The following COL3A1 variants were observed in gnomAD, a reference collection of about 807,000 sequenced individuals.
COL3A1 encodes the protein collagen type III alpha 1 chain.
Under a neutral mutation model 200.9 loss-of-function variants are expected in COL3A1, and 46 were observed. The ratio of observed to expected loss-of-function variants is 0.23; its 90% CI spans 0.18 to 0.29. The LOEUF (loss-of-function observed/expected upper bound fraction) is 0.29, where lower values mean the gene tolerates loss of function less well. COL3A1 is among the 10% of genes least tolerant of loss of function. COL3A1 has a pLI of 1.00. For synonymous variants in COL3A1, 650 were observed against 628.0 expected (o/e 1.03, Z -0.52); for missense variants, 1,367 against 1,917.6 (o/e 0.71, Z 5.36).
rs754766704 is a variant in COL3A1 at position 188,997,660 on chromosome 2, A to C, written c.1870-40A>C. The C allele has an allele frequency of 2.5e-6, 4 of 1,584,744 alleles. No individual in the cohort carries two copies. In the Admixed American group the frequency reaches 6.7e-5, roughly 26 times the overall value. On this transcript the variant is annotated intron_variant, in intron 26 of 50. Coordinates refer to ENST00000304636, the MANE Select transcript of COL3A1 (RefSeq NM_000090.4). ...AATGGATACTGTAGACTAAATATAA[A>C]AGGATGTTTACAACAGAGTGTATCA...
At chr2:188,975,411 ATT>A (rs1406964148) in intron 1 of COL3A1, among the ~76,000 whole-genome samples, 2 of 152,182 alleles carry the variant, frequency 1.3e-5, no homozygotes, top group Non-Finnish European at 2.9e-5. Flanking sequence ...CTAAAAACAC[ATT>A]TGTCTCATTA....
chr2:188,999,382 A>C lies in COL3A1; in HGVS notation c.2120A>C (p.Lys707Thr). The change falls in exon 30 of 51, where the codon AAG (lysine) becomes ACG (threonine). Residue 707 changes from lysine to threonine, a missense_variant and splice_region_variant. Coordinates refer to ENST00000304636, the MANE Select transcript of COL3A1 (RefSeq NM_000090.4). ...GAGPPGPEGG[K>T]GAAGPPGPPG... Reference sequence around the variant, plus strand: ...GGTCCCCCTGGTCCCGAAGGAGGAAAGGTAACTCCACAGCATTCCATTCAC... The same window carrying C: ...GGTCCCCCTGGTCCCGAAGGAGGAACGGTAACTCCACAGCATTCCATTCAC... 1 of 1,612,524 alleles carries C rather than the reference A, an allele frequency of 6.2e-7. No individual in the cohort carries two copies. Among genetic ancestry groups the C allele is most frequent in the Non-Finnish European group, 8.5e-7 (1 of 1,179,240 alleles).
chr2:188,986,990 TA>T, intron 4 of COL3A1, 68 bp from the exon 5 acceptor site: 2 of 1,415,820 alleles, frequency 1.4e-6, no homozygotes, highest in Non-Finnish European at 2.0e-6. Context: ...CATGCACTTC[TA>T]AATGCTTTTT....
intron 32 of COL3A1, 106 bp downstream of exon 32, chr2:189,000,001 T>C (rs1688421905): frequency 1.7e-6 from 2 of 1,154,314 alleles, no homozygotes; most frequent in East Asian, 2.6e-5. Flanking sequence ...AGAAATTAGA[T>C]ATTTTACCAC....
At position 188,994,584 on chromosome 2, in the gene COL3A1, G is replaced by C. The variant is rs149852181; in HGVS notation, c.1337G>C (p.Arg446Pro). 2.5e-6 allele frequency: 4 copies of C among 1,614,020 alleles called. No homozygotes were observed. Among genetic ancestry groups the C allele is most frequent in the Non-Finnish European group, 3.4e-6 (4 of 1,180,036 alleles). Residue 446 changes from arginine to proline, a missense_variant, in exon 19 of 51, where the codon CGT becomes CCT. This residue lies in a region of COL3A1 where 462 missense variants were observed against 681.4 expected (regional missense o/e 0.68). Coordinates refer to ENST00000304636, the MANE Select transcript of COL3A1 (RefSeq NM_000090.4). This position sits in a 1 kb window ranked among gnomAD's most constrained non-coding sequence, Gnocchi z 4.5. ...GGTGCCAAAGGAGAGCCCGGACCAC[G>C]TGGTGAACGCGTAAGTTTTACTGCA... ...KNGAKGEPGPRGERGEAGIPG... is the reference protein window; with the variant it reads ...KNGAKGEPGPPGERGEAGIPG...
Position 188,974,392 on chromosome 2 carries a change from C to A in COL3A1, c.-98C>A. The A allele has an allele frequency of 2.3e-6, 2 of 855,672 alleles. No homozygotes were observed. The highest frequency in any genetic ancestry group is 1.5e-5 in the South Asian group (1 of 67,984). 53.0% of individuals were successfully genotyped at this position (855,672 alleles called of 1,614,324 possible). A position where few individuals can be genotyped will look rare whatever the true frequency, so the allele number is the denominator to read the frequency against. ...CTCAGTGGCTGAGTTTTATGACGGG[C>A]CCGGTGCTGAAGGGCAGGGAACAAC... On this transcript the variant is annotated 5_prime_UTR_variant, in exon 1 of 51. Transcript: ENST00000304636.
At chr2:188,997,571 T>C in intron 26 of COL3A1, 129 bp from the exon 27 acceptor site, 3 of 1,167,762 alleles carry the variant, frequency 2.6e-6, no homozygotes, top group East Asian at 5.0e-5. Flanking sequence ...CATGTGTGCT[T>C]TGGGTCCAGG....
rs755634638 is a variant in COL3A1, at chr2:188,988,621, A to C, written c.614A>C (p.Glu205Ala). 1 of 1,608,756 alleles carries C rather than the reference A, an allele frequency of 6.2e-7. No individual in the cohort carries two copies. Among genetic ancestry groups the C allele is most frequent in the South Asian group, 1.1e-5 (1 of 90,804 alleles). The change falls in exon 7 of 51, where the codon GAA becomes GCA. Residue 205 changes from glutamate to alanine, a missense_variant. By Grantham distance (107) the Glu-to-Ala change is moderately radical (BLOSUM62 -1). Around this residue, in one of 5 missense-constraint regions of COL3A1, gnomAD observed 462 missense variants for 681.4 expected, o/e 0.68. Coordinates refer to ENST00000304636, the MANE Select transcript of COL3A1 (RefSeq NM_000090.4). ...CCAGGATACCAAGGACCCCCTGGTGAACCTGGGCAAGCTGGTCCTTCAGTA... is the reference window on the plus strand; with the variant it reads ...CCAGGATACCAAGGACCCCCTGGTGCACCTGGGCAAGCTGGTCCTTCAGTA... ...GSPGYQGPPGEPGQAGPSGPP... is the reference protein window; with the variant it reads ...GSPGYQGPPGAPGQAGPSGPP...
At chr2:188,981,265 A>C (rs960158655) in intron 1 of COL3A1, among the ~76,000 whole-genome samples, 3 of 151,528 alleles carry the variant, frequency 2.0e-5, no homozygotes, top group African/African-American at 7.2e-5. Context: ...GAAGCAGCTA[A>C]GAGTGGTTTA....
chr2:189,007,902 G>T lies in COL3A1; in HGVS notation c.3381G>T (p.Gln1127His), dbSNP rs1688630918. The change falls in exon 46 of 51, where the codon CAG becomes CAT. Residue 1127 changes from glutamine (Q) to histidine (H), a missense_variant. By Grantham distance (24) the Gln-to-His change is conservative. This residue lies in a region of COL3A1 where 846 missense variants were observed against 1,147.9 expected (regional missense o/e 0.74). Transcript: ENST00000304636. ...CTTTCCAGGGCCCTGCTGGTCAGCA[G>T]GGTGCAATCGGCAGTCCAGGACCTG... is the stretch of plus-strand genomic sequence containing the variant. Reference protein sequence around the residue: ...APGSPGPAGQQGAIGSPGPAG... With the variant: ...APGSPGPAGQHGAIGSPGPAG... The T allele has an allele frequency of 6.2e-7, 1 of 1,614,144 alleles. No homozygotes were observed. Among genetic ancestry groups the T allele is most frequent in the Non-Finnish European group, 8.5e-7 (1 of 1,180,020 alleles).
intron 28 of COL3A1, 61 bp downstream of exon 28, chr2:188,998,380 C>T: frequency 7.3e-7 from 1 of 1,375,240 alleles, no homozygotes; most frequent in Non-Finnish European, 1.0e-6. Context: ...GTTTGTTTGT[C>T]AACTATTAAC....
rs1244829822 is a variant in COL3A1 at position 189,004,377 on chromosome 2, A to G, written c.2931+13A>G. 6.4e-7 allele frequency: 1 copy of G among 1,571,934 alleles called. No homozygotes were observed. The highest frequency in any genetic ancestry group is 8.7e-7 in the Non-Finnish European group (1 of 1,155,354). ...TCAGGGTGTCAAGGTGAGTATAGTC[A>G]TTTTCCACTACACTCTTCCTTCCTT... is the stretch of plus-strand genomic sequence containing the variant. On this transcript the variant is annotated intron_variant, in intron 40 of 50. Transcript: ENST00000304636.
At chr2:188,992,481 G>C (rs1196659875) in intron 14 of COL3A1, among the ~76,000 whole-genome samples, 1 of 151,974 alleles carries the variant, frequency 6.6e-6, no homozygotes, top group Non-Finnish European at 1.5e-5. Flanking sequence ...ACAAAATCTA[G>C]GTTCTGACAC....
At chr2:188,986,973 G>A (rs1470414329) in intron 4 of COL3A1, 86 bp from the exon 5 acceptor site, 2 of 1,132,236 alleles carry the variant, frequency 1.8e-6, no homozygotes, top group African/African-American at 3.1e-5. Flanking sequence ...GTAGACAGTA[G>A]ATGTTGCATG....
At chr2:188,977,149 A>G (rs763798142) in intron 1 of COL3A1, among the ~76,000 whole-genome samples, 1 of 152,120 alleles carries the variant, frequency 6.6e-6, no homozygotes, top group Non-Finnish European at 1.5e-5. Context: ...TACATTTTTC[A>G]TGTCTCTGAT....
At chr2:188,978,788 G>A (rs1472148933) in intron 1 of COL3A1, among the ~76,000 whole-genome samples, 2 of 144,448 alleles carry the variant, frequency 1.4e-5, no homozygotes, top group African/African-American at 2.5e-5. Context: ...ATCATATAGT[G>A]TAAAAAAAAA....
Position 188,999,529 on chromosome 2 carries a change from G to T in COL3A1, c.2181G>T (p.Met727Ile). ...CTGGTACTCCTGGTCTGCAAGGAAT[G>T]CCTGGAGAAAGAGGAGGTCTTGGAA... is the stretch of plus-strand genomic sequence containing the variant. ...GAAGTPGLQG[M>I]PGERGGLGSP... is the part of the protein sequence containing the mutation. Residue 727 changes from methionine (M) to isoleucine (I), a missense_variant, in exon 31 of 51, where the codon ATG (methionine) becomes ATT (isoleucine). Transcript: ENST00000304636. 1 of 1,613,982 alleles carries T rather than the reference G, an allele frequency of 6.2e-7. No homozygotes were observed. The highest frequency in any genetic ancestry group is 8.5e-7 in the Non-Finnish European group (1 of 1,180,024).
chr2:189,004,451 C>T (rs1688544482), intron 40 of COL3A1, 87 bp downstream of exon 40: 1 of 1,250,392 alleles, frequency 8.0e-7, no homozygotes, highest in African/African-American at 1.5e-5. Context: ...AAAAGTTTTT[C>T]TGTCACTGGA....
At chr2:188,981,361 A>G (rs1298548804) in intron 1 of COL3A1, among the ~76,000 whole-genome samples, 1 of 151,484 alleles carries the variant, frequency 6.6e-6, no homozygotes, top group Admixed American at 6.6e-5. Context: ...TGTGATCACA[A>G]GTAAATTTCT....
Sources: allele counts gnomAD v4.1 joint callset (sites outside exome capture counted in the v4.1 genomes callset), GRCh38; gene constraint gnomAD v4.1.1; regional missense constraint gnomAD v4.1.1; non-coding constraint Gnocchi (gnomAD v3.1); transcripts MANE v1.5; gene names NCBI Gene and HGNC (gene_info 2026-07-23, HGNC 2026-07-21).